Variants in USP37 observed in about 807,000 individuals in gnomAD.
USP37 encodes ubiquitin carboxyl-terminal hydrolase 37.
A neutral mutation model predicts 124.0 loss-of-function variants in USP37; 27 were observed. The ratio of observed to expected loss-of-function variants is 0.22; its 90% CI spans 0.16 to 0.30. USP37 has a LOEUF of 0.30. Among genes scored for constraint, USP37 ranks in the 10% least tolerant of loss-of-function variants. The pLI is 1.00. For missense variants in USP37, 889 were observed against 1,140.4 expected, an observed-to-expected ratio of 0.78 and a Z score of 3.17; for synonymous variants, 365 against 388.0, an observed-to-expected ratio of 0.94 and a Z score of 0.70.
At chr2:218,518,979 T>C (rs1690445165) in intron 10 of USP37, among the ~76,000 whole-genome samples, 1 of 152,206 alleles carries the variant, frequency 6.6e-6, no homozygotes, top group Non-Finnish European at 1.5e-5. Flanking sequence ...AGCCCACAGA[T>C]TTTCAGATCA....
intron 1 of USP37, among the ~76,000 whole-genome samples, chr2:218,563,276 CAG>C: frequency 6.6e-6 from 1 of 152,050 alleles, no homozygotes. Flanking sequence ...GCACAACACA[CAG>C]AGACACACAT....
intron 10 of USP37, among the ~76,000 whole-genome samples, chr2:218,511,233 G>A (rs562758610): frequency 5.3e-5 from 8 of 151,778 alleles, no homozygotes; most frequent in South Asian, 2.1e-4. Flanking sequence ...TCCACCTCCC[G>A]GTTTCAAGCG....
At chr2:218,527,367 T>C (rs373025489) in intron 10 of USP37, among the ~76,000 whole-genome samples, 1 of 152,226 alleles carries the variant, frequency 6.6e-6, no homozygotes, top group African/African-American at 2.4e-5. Context: ...CAAAGAGCTA[T>C]TCTAAACACC....
chr2:218,548,310 T>C (rs1692477475), intron 6 of USP37, among the ~76,000 whole-genome samples: 1 of 152,114 alleles, frequency 6.6e-6, no homozygotes, highest in Non-Finnish European at 1.5e-5. Flanking sequence ...GAATTTTGAA[T>C]ATTATCCCAT....
chr2:218,470,322 A>T (rs1232258606), intron 20 of USP37, among the ~76,000 whole-genome samples: 1 of 152,058 alleles, frequency 6.6e-6, no homozygotes, highest in Non-Finnish European at 1.5e-5. Context: ...TTTCCTAAGC[A>T]TCTCTTGAAT....
rs1338745960 is a variant in USP37, at chr2:218,455,701, C to T, written c.2731G>A (p.Val911Ile). Reference protein sequence around the residue: ...TSSSGHYISDVYDIKKQAWFT... With the variant: ...TSSSGHYISDIYDIKKQAWFT... Reference sequence around the variant, plus strand: ...CACGCTTGCTTCTTAATGTCATATACATCACTAATGTAATGACCTGAAACA... The same window carrying T: ...CACGCTTGCTTCTTAATGTCATATATATCACTAATGTAATGACCTGAAACA... The change falls in exon 25 of 26, where the codon GTA (valine) becomes ATA (isoleucine). Residue 911 changes from valine (V) to isoleucine (I), a missense_variant. This residue lies in a region of USP37 where 504 missense variants were observed against 714.3 expected (regional missense o/e 0.71). Coordinates refer to ENST00000258399, the MANE Select transcript of USP37 (RefSeq NM_020935.3). 1 of 1,613,364 alleles carries T rather than the reference C, an allele frequency of 6.2e-7. No individual in the cohort carries two copies. The highest frequency in any genetic ancestry group is 1.7e-5 in the Admixed American group (1 of 59,806).
chr2:218,464,795 G>A (rs1452027523), intron 21 of USP37, among the ~76,000 whole-genome samples: 1 of 152,192 alleles, frequency 6.6e-6, no homozygotes, highest in South Asian at 2.1e-4. Flanking sequence ...AAAGAAAAGA[G>A]CAAGGGCTGG....
chr2:218,499,674 C>T (rs915905442), intron 11 of USP37, among the ~76,000 whole-genome samples: 1 of 152,164 alleles, frequency 6.6e-6, no homozygotes, highest in African/African-American at 2.4e-5. Flanking sequence ...GGATCACATG[C>T]TGTTTTCATG....
At position 218,530,029 on chromosome 2, in the gene USP37, A is replaced by C; in HGVS notation, c.790T>G (p.Leu264Val). The change falls in exon 10 of 26, where the codon TTA becomes GTA. Residue 264 changes from leucine (L) to valine (V), a missense_variant. Coordinates refer to ENST00000258399, the MANE Select transcript of USP37 (RefSeq NM_020935.3). ...CTACCATAAAAGGATGATGACTGTAAAGGTAAAAGCCCTATAAAACAAATG... is the reference window on the plus strand; with the variant it reads ...CTACCATAAAAGGATGATGACTGTACAGGTAAAAGCCCTATAAAACAAATG... ...EENRTSGLLP[L>V]QSSSFYGSRA... 6.2e-7 allele frequency: 1 copy of C among 1,609,888 alleles called. No individual in the cohort carries two copies. Among genetic ancestry groups the C allele is most frequent in the Non-Finnish European group, 8.5e-7 (1 of 1,179,002 alleles).
chr2:218,479,739 T>C (rs745546668), intron 17 of USP37, 24 bp from the exon 18 acceptor site: 7 of 1,435,914 alleles, frequency 4.9e-6, no homozygotes, highest in Non-Finnish European at 1.9e-6. Context: ...AGAAAATATA[T>C]AATGTATACA....
intron 10 of USP37, among the ~76,000 whole-genome samples, chr2:218,514,846 A>ACATT (rs1202645366): frequency 2.0e-5 from 3 of 152,220 alleles, no homozygotes; most frequent in Non-Finnish European, 4.4e-5. Context: ...CAGTCTCTAC[A>ACATT]CATTCATTCA....
intron 10 of USP37, among the ~76,000 whole-genome samples, chr2:218,518,172 T>C (rs1381590468): frequency 6.6e-6 from 1 of 152,148 alleles, no homozygotes; most frequent in Non-Finnish European, 1.5e-5. Flanking sequence ...CCCGGGCTGG[T>C]CTCAATTATG....
chr2:218,547,636 T>A, intron 6 of USP37, among the ~76,000 whole-genome samples: 1 of 144,100 alleles, frequency 6.9e-6, no homozygotes, highest in Non-Finnish European at 1.5e-5. Context: ...GTGATCAGCA[T>A]GGGAACTGAT....
At chr2:218,525,068 C>T (rs922174970) in intron 10 of USP37, among the ~76,000 whole-genome samples, 5 of 152,214 alleles carry the variant, frequency 3.3e-5, no homozygotes, top group African/African-American at 1.2e-4. Context: ...ACTTTAAAAA[C>T]ATTTAGATTA....
chr2:218,544,406 A>AAATATATATATGTATAT (rs1312705279), intron 8 of USP37, among the ~76,000 whole-genome samples: 1 of 82,994 alleles, frequency 1.2e-5, no homozygotes, highest in African/African-American at 6.9e-5. Context: ...AAAAAAAAAA[A>AAATATATATATGTATAT]ATATATATAT....
intron 21 of USP37, 126 bp downstream of exon 21, chr2:218,465,884 C>T (rs953462346): frequency 4.1e-6 from 5 of 1,233,440 alleles, no homozygotes; most frequent in Non-Finnish European, 5.5e-6. Flanking sequence ...TCCCCAATGA[C>T]TTACTCTATG....
intron 14 of USP37, among the ~76,000 whole-genome samples, chr2:218,492,170 T>C (rs546016330): frequency 1.3e-5 from 2 of 152,172 alleles, no homozygotes; most frequent in South Asian, 2.1e-4. Context: ...CACTGCACTC[T>C]AGCCTGGGTG....
At chr2:218,463,400 A>C (rs1690133521) in intron 21 of USP37, 34 bp from the exon 22 acceptor site, 1 of 1,595,164 alleles carries the variant, frequency 6.3e-7, no homozygotes, top group African/African-American at 1.3e-5. Context: ...AAGGTATTTA[A>C]AGAGGTACTG....
intron 4 of USP37, 151 bp from the exon 5 acceptor site, chr2:218,553,875 C>A: frequency 1.3e-6 from 1 of 787,600 alleles, no homozygotes. Flanking sequence ...AAGAAGTTCC[C>A]ATTTCTTGAT....
Sources: allele counts gnomAD v4.1 joint callset (sites outside exome capture counted in the v4.1 genomes callset), GRCh38; gene constraint gnomAD v4.1.1; regional missense constraint gnomAD v4.1.1; transcripts MANE v1.5; gene names NCBI Gene and HGNC (gene_info 2026-07-23, HGNC 2026-07-21).